Variants in CALD1 observed in about 807,000 individuals in gnomAD.
CALD1 encodes caldesmon 1, also known as caldesmon.
In CALD1, 33 loss-of-function variants were observed where a neutral mutation model predicts 99.9. The observed-to-expected ratio is 0.33, with a 90% CI of 0.25 to 0.44. The LOEUF (loss-of-function observed/expected upper bound fraction) is 0.44, where lower values mean the gene tolerates loss of function less well. CALD1 is among the 20% of genes least tolerant of loss of function. CALD1 has a pLI of 1.00. For missense variants in CALD1, 861 were observed against 962.1 expected (o/e 0.89, Z 1.39); for synonymous variants, 310 against 325.0 (o/e 0.95, Z 0.50).
chr7:134,856,405 C>A (rs537677345), intron 2 of CALD1, among the ~76,000 whole-genome samples: 9 of 152,104 alleles, frequency 5.9e-5, no homozygotes, highest in Non-Finnish European at 1.3e-4. Context: ...AGGGTAGGTT[C>A]CCAAGCAAAC....
chr7:134,880,596 C>A (rs12532492), intron 3 of CALD1, among the ~76,000 whole-genome samples: 50,030 of 151,926 alleles, frequency 0.33, 10,334 homozygotes, highest in East Asian at 0.84. Context: ...CTGTTTCTCT[C>A]ATCAAAACTG....
the CALD1 span, among the ~76,000 whole-genome samples, chr7:134,722,438 T>C: frequency 6.6e-6 from 1 of 152,200 alleles, no homozygotes; most frequent in East Asian, 1.9e-4. Context: ...TGTTTGTTTC[T>C]GAGATGGAAT....
At position 134,953,656 on chromosome 7, in the gene CALD1, GT is replaced by G. The variant is rs779536183; in HGVS notation, c.1935+3154del. On this transcript the variant is annotated intron_variant, in intron 9 of 14. Coordinates refer to ENST00000361675, the MANE Select transcript of CALD1 (RefSeq NM_033138.4). Reference sequence around the variant, plus strand: ...ATCTAGACTTCCAAATTCTACTGTGGTTTTTTTTTTTTGTTTTTTTTTTTCA... The same window carrying G: ...ATCTAGACTTCCAAATTCTACTGTGGTTTTTTTTTTTGTTTTTTTTTTTCA... Among the ~76,000 whole-genome samples, 34 of 117,964 alleles carry G rather than the reference GT, an allele frequency of 2.9e-4. 1 individual carries two copies. Among genetic ancestry groups the G allele is most frequent in the African/African-American group, 5.7e-4 (18 of 31,498 alleles). The allele number at this position is 117,964 out of a possible 152,430, so 77.4% of individuals were successfully genotyped here. A position where few individuals can be genotyped will look rare whatever the true frequency, so the allele number is the denominator to read the frequency against.
chr7:134,957,991 T>G, intron 9 of CALD1, 78 bp from the exon 10 acceptor site: 5 of 1,041,146 alleles, frequency 4.8e-6, no homozygotes, highest in African/African-American at 1.6e-5. Flanking sequence ...GGTTCAGGGA[T>G]GATATTGGCC....
intron 1 of CALD1, among the ~76,000 whole-genome samples, chr7:134,748,491 C>A (rs1254538702): frequency 6.6e-6 from 1 of 152,196 alleles, no homozygotes; most frequent in Non-Finnish European, 1.5e-5. Context: ...GGGTGGATCA[C>A]CTGAGGTCAG....
intron 3 of CALD1, among the ~76,000 whole-genome samples, chr7:134,924,377 C>A (rs1273782435): frequency 1.3e-5 from 2 of 151,368 alleles, no homozygotes; most frequent in African/African-American, 4.8e-5. Context: ...ACTTTTTTTT[C>A]AATTTCGGAA....
chr7:134,813,888 G>A (rs1304320250), intron 1 of CALD1, among the ~76,000 whole-genome samples: 1 of 152,144 alleles, frequency 6.6e-6, no homozygotes, highest in Admixed American at 6.6e-5. Context: ...GATGTCAGCT[G>A]GTAAAGGACG....
At chr7:134,751,944 C>G (rs1796689246) in intron 1 of CALD1, among the ~76,000 whole-genome samples, 1 of 152,214 alleles carries the variant, frequency 6.6e-6, no homozygotes, top group South Asian at 2.1e-4. Context: ...CCACTGCACT[C>G]CAGCCTGGGT....
chr7:134,966,678 ATACATGG>A (rs1808704287), intron 14 of CALD1, among the ~76,000 whole-genome samples: 1 of 152,050 alleles, frequency 6.6e-6, no homozygotes, highest in Non-Finnish European at 1.5e-5. Context: ...TTTAACCATT[ATACATGG>A]TACTTTCTTT....
Position 134,783,974 on chromosome 7 carries a change from G to T in CALD1, c.-130+4225G>T, listed in dbSNP as rs1179161092. Among the ~76,000 whole-genome samples the T allele has an allele frequency of 6.6e-6, 1 of 152,182 alleles. No individual in the cohort carries two copies. Among genetic ancestry groups the T allele is most frequent in the African/African-American group, 2.4e-5 (1 of 41,450 alleles). On this transcript the variant is annotated intron_variant, in intron 1 of 14. Coordinates refer to ENST00000361675, the MANE Select transcript of CALD1 (RefSeq NM_033138.4). The surrounding 1 kb of genome is among the most constrained non-coding windows in gnomAD (Gnocchi z 4.3). ...GTGGGGGCTAGAGAAATCCAGGAAT[G>T]GCTGCTATTAAGTGTACGTAAAAAG...
chr7:134,730,781 A>G, the CALD1 span, among the ~76,000 whole-genome samples: 1 of 152,164 alleles, frequency 6.6e-6, no homozygotes. Flanking sequence ...TTTGGCTCTC[A>G]TGATTCCTAA....
intron 2 of CALD1, among the ~76,000 whole-genome samples, chr7:134,864,204 G>A (rs535476879): frequency 2.0e-5 from 3 of 152,004 alleles, no homozygotes; most frequent in Non-Finnish European, 4.4e-5. Context: ...AAAATTAGCC[G>A]GGTGTGGCGG....
chr7:134,730,859 T>C, the CALD1 span, among the ~76,000 whole-genome samples: 2 of 152,114 alleles, frequency 1.3e-5, no homozygotes, highest in African/African-American at 2.4e-5. Flanking sequence ...CTTTAGATTA[T>C]GTGGGCCCAA....
the CALD1 span, among the ~76,000 whole-genome samples, chr7:134,722,508 C>T: frequency 6.6e-6 from 1 of 152,192 alleles, no homozygotes. Flanking sequence ...GCACCCTCTG[C>T]CTCCCAGGTT....
intron 3 of CALD1, among the ~76,000 whole-genome samples, chr7:134,918,844 A>G (rs1039711436): frequency 1.3e-5 from 2 of 152,004 alleles, no homozygotes; most frequent in African/African-American, 2.4e-5. Context: ...AAAAATACAA[A>G]AATTAGCCAG....
At position 134,941,212 on chromosome 7, in the gene CALD1, C is replaced by T; in HGVS notation, c.1507C>T (p.Leu503Phe). ...SQNGEFMTHKLKHTENTFSRP... is the reference protein window; with the variant it reads ...SQNGEFMTHKFKHTENTFSRP... Reference sequence around the variant, plus strand: ...GAATGGAGAATTCATGACCCACAAACTTAAACATACTGAGAATACTTTCAG... The same window carrying T: ...GAATGGAGAATTCATGACCCACAAATTTAAACATACTGAGAATACTTTCAG... The change falls in exon 7 of 15, where the codon CTT becomes TTT. Residue 503 changes from leucine (L) to phenylalanine (F), a missense_variant. Leu to Phe is a conservative substitution (Grantham distance 22). Transcript: ENST00000361675. The T allele has an allele frequency of 1.2e-6, 2 of 1,608,776 alleles. No individual in the cohort carries two copies. The highest frequency in any genetic ancestry group is 1.7e-6 in the Non-Finnish European group (2 of 1,178,518).
the CALD1 span, among the ~76,000 whole-genome samples, chr7:134,725,925 C>T: frequency 6.6e-6 from 1 of 152,068 alleles, no homozygotes; most frequent in Non-Finnish European, 1.5e-5. Flanking sequence ...AATGAATTCT[C>T]TTCTAAAACC....
chr7:134,795,683 T>A (rs1303394392), intron 1 of CALD1, among the ~76,000 whole-genome samples: 1 of 152,122 alleles, frequency 6.6e-6, no homozygotes, highest in Non-Finnish European at 1.5e-5. Context: ...CTTCTCCCAC[T>A]GAGATTGATA....
intron 2 of CALD1, among the ~76,000 whole-genome samples, chr7:134,845,721 C>A (rs1345413886): frequency 6.6e-6 from 1 of 152,136 alleles, no homozygotes; most frequent in Non-Finnish European, 1.5e-5. Context: ...ATGAATGAGG[C>A]CACCAAGGAA....
Sources: gnomAD v4.1 joint callset for allele counts (sites outside exome capture counted in the v4.1 genomes callset) on GRCh38, gnomAD v4.1.1 for gene constraint, Gnocchi (gnomAD v3.1) non-coding constraint, MANE v1.5 for transcripts, NCBI Gene and HGNC (gene_info 2026-07-23, HGNC 2026-07-21) for gene names.